GATA4: variants seen among roughly 807,000 people sequenced by gnomAD.
GATA4 encodes transcription factor GATA-4.
A neutral mutation model predicts 37.9 loss-of-function variants in GATA4; 7 were observed. That is an observed-to-expected ratio of 0.18 (90% CI 0.11 to 0.35). The LOEUF (loss-of-function observed/expected upper bound fraction) is 0.35. GATA4 is among the 10% of genes least tolerant of loss of function. GATA4 has a pLI of 1.00. For missense variants in GATA4, 647 were observed against 653.0 expected, an observed-to-expected ratio of 0.99 and a Z score of 0.10; for synonymous variants, 372 against 292.6, an observed-to-expected ratio of 1.27 and a Z score of -2.77.
Position 11,704,616 on chromosome 8 carries a change from G to C in GATA4, c.-458+312G>C, listed in dbSNP as rs538525298. Among the ~76,000 whole-genome samples, 5 of 152,300 alleles carry C rather than the reference G, an allele frequency of 3.3e-5. No homozygotes were observed. In the South Asian group the frequency reaches 1.0e-3, roughly 32 times the overall value. Reference sequence around the variant, plus strand: ...ATTCTCCAACCCTTGTTTGCATATCGCAGGCCGGGGCCTGGGTGGTGATGG... The same window carrying C: ...ATTCTCCAACCCTTGTTTGCATATCCCAGGCCGGGGCCTGGGTGGTGATGG... On this transcript the variant is annotated intron_variant, in intron 1 of 6. Coordinates refer to ENST00000532059, the MANE Select transcript of GATA4 (RefSeq NM_001308093.3).
intron 2 of GATA4, among the ~76,000 whole-genome samples, chr8:11,717,601 T>C (rs952699343): frequency 6.6e-6 from 1 of 152,202 alleles, no homozygotes; most frequent in Non-Finnish European, 1.5e-5. Flanking sequence ...AAATCTGATA[T>C]GAGGGCACTT....
chr8:11,700,985 T>G (rs1269574008), upstream of GATA4, among the ~76,000 whole-genome samples: 1 of 152,200 alleles, frequency 6.6e-6, no homozygotes, highest in Non-Finnish European at 1.5e-5. Context: ...GTGGCTTCAC[T>G]GTGAATTCCA....
intron 1 of GATA4, among the ~76,000 whole-genome samples, chr8:11,679,589 A>T (rs2129917577): frequency 6.6e-6 from 1 of 152,124 alleles, no homozygotes; most frequent in East Asian, 1.9e-4. Flanking sequence ...AGCCGGGGAG[A>T]GGAGCTGGGC....
chr8:11,695,172 G>A (rs1228849530), intron 1 of GATA4, among the ~76,000 whole-genome samples: 1 of 152,164 alleles, frequency 6.6e-6, no homozygotes, highest in African/African-American at 2.4e-5. Context: ...TTGGGAGGCC[G>A]AGAGGGGTGG....
chr8:11,736,265 G>A (rs914935642), intron 2 of GATA4, among the ~76,000 whole-genome samples: 2 of 152,162 alleles, frequency 1.3e-5, no homozygotes, highest in African/African-American at 4.8e-5. Context: ...AAGGGGACAG[G>A]GACTAAAAAC....
chr8:11,753,437 A>T (rs1474807950), intron 4 of GATA4, among the ~76,000 whole-genome samples: 2 of 151,814 alleles, frequency 1.3e-5, no homozygotes, highest in East Asian at 3.9e-4. Context: ...AGAGCAATAT[A>T]CTTCAGAATG....
At chr8:11,698,529 C>G (rs1799573589) in intron 1 of GATA4, among the ~76,000 whole-genome samples, 1 of 152,130 alleles carries the variant, frequency 6.6e-6, no homozygotes, top group Non-Finnish European at 1.5e-5. Context: ...GCTTTTCTCT[C>G]CCTTCTCTTG....
chr8:11,692,657 G>T (rs1284054492), exon 1 of GATA4: 1 of 985,102 alleles, frequency 1.0e-6, no homozygotes, highest in Non-Finnish European at 1.2e-6. Context: ...GACCTCCACC[G>T]CGGGTGCGTG....
chr8:11,723,071 G>C (rs973052646), intron 2 of GATA4, among the ~76,000 whole-genome samples: 1 of 152,220 alleles, frequency 6.6e-6, no homozygotes, highest in Non-Finnish European at 1.5e-5. Context: ...CTTCAGCTGA[G>C]TATAGAGGCT....
At chr8:11,697,768 GTCTTCTCC>G (rs1799548770) in intron 1 of GATA4, 1 of 985,318 alleles carries the variant, frequency 1.0e-6, no homozygotes, top group Admixed American at 6.1e-5. Flanking sequence ...CTGCCTGGGC[GTCTTCTCC>G]AACTCCGGGT....
chr8:11,742,020 C>T (rs948396013), intron 2 of GATA4, among the ~76,000 whole-genome samples: 7 of 152,182 alleles, frequency 4.6e-5, no homozygotes, highest in South Asian at 2.1e-4. Flanking sequence ...CTCTGTGGCC[C>T]TGGGCAGGAT....
intron 4 of GATA4, among the ~76,000 whole-genome samples, chr8:11,752,377 C>T (rs1041148179): frequency 1.8e-4 from 27 of 152,176 alleles, no homozygotes; most frequent in African/African-American, 4.8e-4. Flanking sequence ...GGGGAGGCCT[C>T]ACAATCATGG....
intron 2 of GATA4, 51 bp from the exon 3 acceptor site, chr8:11,748,865 A>C (rs1296888726): frequency 8.1e-6 from 13 of 1,597,012 alleles, no homozygotes; most frequent in Non-Finnish European, 1.1e-5. Context: ...GCTGGGCATA[A>C]ACAAAGAATT....
At position 11,709,517 on chromosome 8, in the gene GATA4, G is replaced by A. The variant is rs1016137817; in HGVS notation, c.616+589G>A. ...AGACGCCGGGGAGATGCGCGGAACA[G>A]GAGCCGGCACTGTGCGGGTGCCACC... On this transcript the variant is annotated intron_variant, in intron 2 of 6. Transcript: ENST00000532059. This position sits in a 1 kb window ranked among gnomAD's most constrained non-coding sequence, Gnocchi z 4.3. Among the ~76,000 whole-genome samples the A allele has an allele frequency of 1.3e-5, 2 of 149,600 alleles. No homozygotes were observed. The highest frequency in any genetic ancestry group is 3.0e-5 in the Non-Finnish European group (2 of 67,722).
At chr8:11,702,954 G>A (rs1799735145), upstream of GATA4, among the ~76,000 whole-genome samples, 1 of 152,244 alleles carries the variant, frequency 6.6e-6, no homozygotes, top group Non-Finnish European at 1.5e-5. The surrounding 1 kb of genome is among the most constrained non-coding windows in gnomAD (Gnocchi z 4.4). Flanking sequence ...ATCCCATGGG[G>A]GGTTTCCTTC....
chr8:11,690,132 C>A (rs185710653), upstream of GATA4, among the ~76,000 whole-genome samples: 884 of 152,328 alleles, frequency 5.8e-3, 11 homozygotes, highest in South Asian at 0.03. Context: ...GTACCTGGTG[C>A]CATAATCACC....
chr8:11,716,106 C>T (rs1800422105), intron 2 of GATA4, among the ~76,000 whole-genome samples: 1 of 152,092 alleles, frequency 6.6e-6, no homozygotes, highest in Non-Finnish European at 1.5e-5. Flanking sequence ...TTTTGTTTAT[C>T]CATTCATCCA....
In GATA4 at chr8:11,757,003, A is replaced by G. The variant is rs1165825689; in HGVS notation, c.1069A>G (p.Ser357Gly). The G allele has an allele frequency of 6.2e-7, 1 of 1,614,198 alleles. No individual in the cohort carries two copies. The highest frequency in any genetic ancestry group is 8.5e-7 in the Non-Finnish European group (1 of 1,180,048). Residue 357 changes from serine to glycine, a missense_variant, in exon 6 of 7, where the codon AGC becomes GGC. By Grantham distance (56) the Ser-to-Gly change is moderately conservative. Transcript: ENST00000532059. ...ASSNSSNATT[S>G]SSEEMRPIKT... ...CAGCAACTCCAGCAACGCCACCACC[A>G]GCAGCAGCGAGGAGATGCGTCCCAT...
At chr8:11,744,198 A>T (rs765040453) in intron 2 of GATA4, among the ~76,000 whole-genome samples, 1 of 152,158 alleles carries the variant, frequency 6.6e-6, no homozygotes, top group African/African-American at 2.4e-5. Context: ...TCCAATAACC[A>T]GCGCCAAAGT....
Sources: allele counts gnomAD v4.1 joint callset (sites outside exome capture counted in the v4.1 genomes callset), GRCh38; gene constraint gnomAD v4.1.1; non-coding constraint Gnocchi (gnomAD v3.1); transcripts MANE v1.5; gene names NCBI Gene and HGNC (gene_info 2026-07-23, HGNC 2026-07-21).